The following TGIF2 variants were observed in gnomAD, a reference collection of about 807,000 sequenced individuals.
TGIF2 encodes the protein homeobox protein TGIF2.
TGIF2 carries 5 observed loss-of-function variants against 15.1 expected under a neutral mutation model. The observed-to-expected ratio is 0.33, with a 90% CI of 0.17 to 0.70. The LOEUF is 0.70. Among genes scored for constraint, TGIF2 ranks in the 30% least tolerant of loss-of-function variants. The pLI is 0.67. For missense variants in TGIF2, 264 were observed against 302.5 expected (o/e 0.87, Z 0.94); for synonymous variants, 131 against 128.9 (o/e 1.02, Z -0.11).
At chr20:36,580,256 G>A (rs1056777662) in intron 2 of TGIF2, among the ~76,000 whole-genome samples, 19 of 152,216 alleles carry the variant, frequency 1.2e-4, no homozygotes, top group African/African-American at 4.3e-4. Flanking sequence ...CTTCCATGTA[G>A]AGACATGGTA....
At chr20:36,587,590 C>T (rs1247991020) in intron 2 of TGIF2, among the ~76,000 whole-genome samples, 2 of 152,190 alleles carry the variant, frequency 1.3e-5, no homozygotes, top group Non-Finnish European at 2.9e-5. Context: ...AAGACTCCCT[C>T]TCACTCTTCA....
chr20:36,591,391 T>C lies in TGIF2; in HGVS notation c.674T>C (p.Leu225Pro), dbSNP rs747591896. 5 of 1,613,890 alleles carry C rather than the reference T, an allele frequency of 3.1e-6. No individual in the cohort carries two copies. The highest frequency in any genetic ancestry group is 3.4e-6 in the Non-Finnish European group (4 of 1,179,800). ...CAGCAGGACCCATCACTCCCATTAC[T>C]GCACACTCCCATCCCTTTAGTCTCT... ...QKQQDPSLPL[L>P]HTPIPLVSEN... Residue 225 changes from leucine (L) to proline (P), a missense_variant, in exon 3 of 3, where the codon CTG becomes CCG. Physicochemically the swap from Leu to Pro is moderately conservative, Grantham distance 98. Transcript: ENST00000373872. This position sits in a 1 kb window ranked among gnomAD's most constrained non-coding sequence, Gnocchi z 5.3.
At chr20:36,578,603 G>C in intron 1 of TGIF2, 138 bp from the exon 2 acceptor site, 1 of 971,892 alleles carries the variant, frequency 1.0e-6, no homozygotes, top group South Asian at 1.8e-5. Flanking sequence ...TGCTCGGTCT[G>C]TGTTACGGCC....
chr20:36,577,988 G>GTA lies in TGIF2; in HGVS notation c.-34-752_-34-751insAT, dbSNP rs2038466438. On this transcript the variant is annotated intron_variant, in intron 1 of 2. Transcript: ENST00000373872. ...CCTGGCTTATTTTTGTATTTTGTGT[G>GTA]TGTGTGTGTGAGCCACTGCGCAGGC... Among the ~76,000 whole-genome samples the GTA allele has an allele frequency of 2.0e-5, 3 of 152,262 alleles. No individual in the cohort carries two copies. The South Asian group carries it at 6.2e-4, about 32-fold the overall frequency.
rs762598116 is a variant in TGIF2 at position 36,591,246 on chromosome 20, G to T, written c.529G>T (p.Gly177Cys). 1 of 1,614,202 alleles carries T rather than the reference G, an allele frequency of 6.2e-7. No homozygotes were observed. Among genetic ancestry groups the T allele is most frequent in the East Asian group, 2.2e-5 (1 of 44,876 alleles). Residue 177 changes from glycine (G) to cysteine (C), a missense_variant, in exon 3 of 3, where the codon GGT becomes TGT. Physicochemically the swap from Gly to Cys is radical, Grantham distance 159. Coordinates refer to ENST00000373872, the MANE Select transcript of TGIF2 (RefSeq NM_021809.7). The surrounding 1 kb of genome is among the most constrained non-coding windows in gnomAD (Gnocchi z 5.3). ...CAGGGCTGAGGCTGGAAGCCCCACAGGTGGACTCTTCAACACGCCACCACC... is the reference window on the plus strand; with the variant it reads ...CAGGGCTGAGGCTGGAAGCCCCACATGTGGACTCTTCAACACGCCACCACC... ...LTRAEAGSPT[G>C]GLFNTPPPTP...
chr20:36,592,475 T>C lies in TGIF2; in HGVS notation c.*1044T>C, dbSNP rs2038785156. On this transcript the variant is annotated 3_prime_UTR_variant, in exon 3 of 3. Transcript: ENST00000373872. ...CTCAGTTTTGAATTCTTTTAGCAAC[T>C]TGGATTAGAGGGGCCCATATGTCAG... 6.6e-6 allele frequency: 1 copy of C among 152,466 alleles called. No individual in the cohort carries two copies. Among genetic ancestry groups the C allele is most frequent in the Non-Finnish European group, 1.5e-5 (1 of 68,022 alleles). 9.4% of individuals were successfully genotyped at this position (152,466 alleles called of 1,614,324 possible).
chr20:36,583,278 A>AAAAC (rs544516064), intron 2 of TGIF2, among the ~76,000 whole-genome samples: 6 of 151,510 alleles, frequency 4.0e-5, no homozygotes, highest in African/African-American at 9.7e-5. Context: ...TCAAAAAAAA[A>AAAAC]AAACAAACAA....
At chr20:36,574,489 TTCCCCTCCCC>T (rs1207115254) in intron 1 of TGIF2, 2 of 119,410 alleles carry the variant, frequency 1.7e-5, no homozygotes, top group Non-Finnish European at 3.7e-5. Context: ...CTCCCCTCCC[TTCCCCTCCCC>T]TCCCCCTCCG....
At chr20:36,590,780 A>G in intron 2 of TGIF2, 130 bp from the exon 3 acceptor site, 3 of 1,004,774 alleles carry the variant, frequency 3.0e-6, no homozygotes, top group Non-Finnish European at 4.2e-6. Flanking sequence ...GCTGGTCTTG[A>G]ACTCCTGGGC....
intron 1 of TGIF2, chr20:36,574,751 C>T (rs528646664): frequency 6.6e-6 from 1 of 152,344 alleles, no homozygotes; most frequent in South Asian, 2.1e-4. Context: ...GCCCCGAGCG[C>T]CGGACGATTC....
chr20:36,588,510 GC>G (rs1219587149), intron 2 of TGIF2, among the ~76,000 whole-genome samples: 2 of 151,898 alleles, frequency 1.3e-5, no homozygotes, highest in African/African-American at 4.8e-5. Context: ...ACAGGCACAT[GC>G]CACCACACCC....
intron 2 of TGIF2, among the ~76,000 whole-genome samples, chr20:36,587,674 A>C (rs2038687531): frequency 6.6e-6 from 1 of 152,080 alleles, no homozygotes; most frequent in Admixed American, 6.6e-5. Context: ...GACCTTCAAC[A>C]AGTTTCTGAA....
chr20:36,591,006 G>A lies in TGIF2; in HGVS notation c.289G>A (p.Gly97Arg), dbSNP rs770299861. 2 of 1,592,454 alleles carry A rather than the reference G, an allele frequency of 1.3e-6. No individual in the cohort carries two copies. Among genetic ancestry groups the A allele is most frequent in the South Asian group, 1.1e-5 (1 of 89,954 alleles). The change falls in exon 3 of 3, where the codon GGG becomes AGG. Residue 97 changes from glycine to arginine, a missense_variant. Coordinates refer to ENST00000373872, the MANE Select transcript of TGIF2 (RefSeq NM_021809.7). This position sits in a 1 kb window ranked among gnomAD's most constrained non-coding sequence, Gnocchi z 5.3. ...TAATCAGTTTACCATTTCCCGCCGC[G>A]GGGGTAAGGCCTCAGATGTGGCCCT... is the stretch of plus-strand genomic sequence containing the variant. Reference protein sequence around the residue: ...DPNQFTISRRGGKASDVALPR... With the variant: ...DPNQFTISRRRGKASDVALPR...
chr20:36,577,286 G>C (rs1178732885), intron 1 of TGIF2, among the ~76,000 whole-genome samples: 1 of 151,688 alleles, frequency 6.6e-6, no homozygotes, highest in Admixed American at 6.6e-5. Flanking sequence ...TGCAACCTCT[G>C]CCTTCTAGGT....
In TGIF2 at chr20:36,593,669, G is replaced by T. The variant is rs1304517217; in HGVS notation, c.*2238G>T. 6.5e-6 allele frequency: 1 copy of T among 152,676 alleles called. No homozygotes were observed. The highest frequency in any genetic ancestry group is 2.1e-4 in the South Asian group (1 of 4,828). The allele number at this position is 152,676 out of a possible 1,614,324, so 9.5% of individuals were successfully genotyped here. On this transcript the variant is annotated 3_prime_UTR_variant, in exon 3 of 3. Coordinates refer to ENST00000373872, the MANE Select transcript of TGIF2 (RefSeq NM_021809.7). The stretch of plus-strand genomic sequence containing the variant: ...CAACTGCTGCAGGATGCCTGTAGTA[G>T]GGAACTCTGGAAGTGTATTGGGCTG...
chr20:36,583,601 A>C (rs2038589660), intron 2 of TGIF2, among the ~76,000 whole-genome samples: 1 of 152,162 alleles, frequency 6.6e-6, no homozygotes, highest in Admixed American at 6.5e-5. Context: ...TCCTACTAAA[A>C]ATAAAAAAAA....
intron 2 of TGIF2, 49 bp downstream of exon 2, chr20:36,579,015 G>A (rs1319324647): frequency 1.9e-6 from 3 of 1,582,090 alleles, no homozygotes; most frequent in East Asian, 2.3e-5. Flanking sequence ...CTGGGTTCTA[G>A]TCCTATTCCA....
intron 1 of TGIF2, among the ~76,000 whole-genome samples, chr20:36,576,862 G>A (rs2038440415): frequency 6.6e-6 from 1 of 151,994 alleles, no homozygotes; most frequent in African/African-American, 2.4e-5. Flanking sequence ...GCATTACCGT[G>A]CTCAACTAAT....
intron 2 of TGIF2, among the ~76,000 whole-genome samples, chr20:36,589,897 C>T (rs1224442087): frequency 6.6e-6 from 1 of 152,166 alleles, no homozygotes; most frequent in East Asian, 1.9e-4. Context: ...CCATGTTGAC[C>T]AGGCTGGTCT....
Sources: gnomAD v4.1 joint callset for allele counts (sites outside exome capture counted in the v4.1 genomes callset) on GRCh38, gnomAD v4.1.1 for gene constraint, Gnocchi (gnomAD v3.1) non-coding constraint, MANE v1.5 for transcripts, NCBI Gene and HGNC (gene_info 2026-07-23, HGNC 2026-07-21) for gene names.